Variants in SND1 observed in about 807,000 individuals in gnomAD.
SND1 encodes the protein staphylococcal nuclease and tudor domain containing 1, also known as staphylococcal nuclease domain-containing protein 1.
A neutral mutation model predicts 121.7 loss-of-function variants in SND1; 38 were observed. The observed-to-expected ratio is 0.31, with a 90% CI of 0.24 to 0.41. The LOEUF is 0.41. Ranked by LOEUF, SND1 falls within the 10% of genes least tolerant of loss-of-function variation. The probability of loss-of-function intolerance (pLI) is 1.00; values close to 1 mark genes in which losing one functional copy is unlikely to be tolerated. For synonymous variants in SND1, 401 were observed against 447.4 expected (o/e 0.90, Z 1.31); for missense variants, 868 against 1,184.6 (o/e 0.73, Z 3.92).
intron 16 of SND1, 81 bp from the exon 17 acceptor site, chr7:128,074,421 C>A: frequency 7.1e-7 from 1 of 1,416,042 alleles, no homozygotes; most frequent in Non-Finnish European, 9.5e-7. Flanking sequence ...AAGGCTTCGG[C>A]GCTGCTGTCC....
Position 128,081,492 on chromosome 7 carries a change from G to C in SND1, c.2101G>C (p.Val701Leu), listed in dbSNP as rs755156325. The C allele has an allele frequency of 1.2e-6, 2 of 1,613,786 alleles. No individual in the cohort carries two copies. Among genetic ancestry groups the C allele is most frequent in the African/African-American group, 2.7e-5 (2 of 74,938 alleles). The change falls in exon 18 of 24, where the codon GTG becomes CTG. Residue 701 changes from valine (V) to leucine (L), a missense_variant. By Grantham distance (32) the Val-to-Leu change is conservative (BLOSUM62 1). This residue lies in a region of SND1 where 743 missense variants were observed against 1,071.3 expected (regional missense o/e 0.69). Coordinates refer to ENST00000354725, the MANE Select transcript of SND1 (RefSeq NM_014390.4). ...TGACCTGCACTTCTACGTGCAGGAT[G>C]TGGAGACCGGTGAGTGCTCAGGCCG... The part of the protein sequence containing the change: ...TDDLHFYVQD[V>L]ETGTQLEKLM...
intron 16 of SND1, among the ~76,000 whole-genome samples, chr7:128,035,722 A>G (rs1459704890): frequency 1.3e-5 from 2 of 152,246 alleles, no homozygotes; most frequent in East Asian, 3.8e-4. Context: ...GGATTGGGAT[A>G]AAGAAGAGTC....
chr7:128,024,907 TGTG>T (rs1276909562), intron 16 of SND1, among the ~76,000 whole-genome samples: 1 of 152,182 alleles, frequency 6.6e-6, no homozygotes, highest in East Asian at 1.9e-4. Flanking sequence ...GGGGAACCTC[TGTG>T]GTCCAGTAGG....
At chr7:127,863,361 G>A (rs1799413161) in intron 12 of SND1, among the ~76,000 whole-genome samples, 1 of 152,094 alleles carries the variant, frequency 6.6e-6, no homozygotes, top group Non-Finnish European at 1.5e-5. Context: ...TGGAAGCGAG[G>A]TGCCAGTTTA....
intron 12 of SND1, among the ~76,000 whole-genome samples, chr7:127,881,995 G>C (rs946889403): frequency 3.9e-5 from 6 of 152,152 alleles, no homozygotes; most frequent in Admixed American, 3.9e-4. Context: ...GCTCATGCCT[G>C]TAATCTCAGC....
intron 12 of SND1, among the ~76,000 whole-genome samples, chr7:127,856,776 A>G (rs749254377): frequency 6.6e-6 from 1 of 152,220 alleles, no homozygotes; most frequent in Non-Finnish European, 1.5e-5. Flanking sequence ...TACAGTTCTC[A>G]TACCATCCCT....
At chr7:127,794,548 C>T (rs1393344289) in intron 10 of SND1, among the ~76,000 whole-genome samples, 3 of 152,190 alleles carry the variant, frequency 2.0e-5, no homozygotes, top group Non-Finnish European at 2.9e-5. Flanking sequence ...ATTTCTCTAA[C>T]AAAATGATAT....
intron 10 of SND1, among the ~76,000 whole-genome samples, chr7:127,722,882 T>C (rs760699663): frequency 4.6e-5 from 7 of 152,176 alleles, no homozygotes; most frequent in Non-Finnish European, 7.3e-5. Flanking sequence ...TTTAAATGTA[T>C]GAAAGCCTAG....
intron 15 of SND1, among the ~76,000 whole-genome samples, chr7:127,962,362 A>G (rs1252971425): frequency 6.6e-6 from 1 of 152,174 alleles, no homozygotes; most frequent in Non-Finnish European, 1.5e-5. Context: ...ATATACGTAT[A>G]TATTTCTCTG....
At chr7:127,826,967 G>A (rs1316117134) in intron 11 of SND1, among the ~76,000 whole-genome samples, 1 of 152,148 alleles carries the variant, frequency 6.6e-6, no homozygotes, top group Non-Finnish European at 1.5e-5. Context: ...GAAGGCCCTT[G>A]GGCTGGCCTT....
intron 15 of SND1, among the ~76,000 whole-genome samples, chr7:127,945,576 A>G (rs750401184): frequency 2.6e-5 from 4 of 152,108 alleles, no homozygotes; most frequent in Non-Finnish European, 5.9e-5. Flanking sequence ...CAGCCCTGCA[A>G]TCACATACGG....
chr7:127,760,933 A>G (rs952119608), intron 10 of SND1, among the ~76,000 whole-genome samples: 2 of 152,232 alleles, frequency 1.3e-5, no homozygotes, highest in Admixed American at 6.5e-5. Flanking sequence ...ATTCTCAACG[A>G]AATTCTAGAT....
At chr7:127,989,970 T>C (rs963516727) in intron 15 of SND1, among the ~76,000 whole-genome samples, 13 of 152,200 alleles carry the variant, frequency 8.5e-5, no homozygotes, top group African/African-American at 2.7e-4. Flanking sequence ...GTGAGCACTT[T>C]GTACAGAATC....
chr7:127,719,500 T>C (rs1179889922), intron 9 of SND1, among the ~76,000 whole-genome samples: 2 of 152,176 alleles, frequency 1.3e-5, no homozygotes, highest in African/African-American at 4.8e-5. Context: ...CTGCCTTTGA[T>C]TACCATTAAT....
intron 21 of SND1, 116 bp from the exon 22 acceptor site, chr7:128,089,373 G>T: frequency 9.8e-7 from 1 of 1,018,448 alleles, no homozygotes. Context: ...AGGGTTCTCT[G>T]GGGAGAAAAT....
chr7:128,090,422 C>T (rs1005043073), intron 22 of SND1, among the ~76,000 whole-genome samples: 1 of 152,210 alleles, frequency 6.6e-6, no homozygotes. Context: ...ACCAAGCAGC[C>T]ACTGAGGCCC....
chr7:127,839,241 T>C (rs1798921011), intron 11 of SND1, among the ~76,000 whole-genome samples: 1 of 152,168 alleles, frequency 6.6e-6, no homozygotes. Context: ...GGAAATTCTG[T>C]CATGAGAGGG....
At chr7:128,075,733 C>T (rs558401626) in intron 17 of SND1, among the ~76,000 whole-genome samples, 11 of 152,324 alleles carry the variant, frequency 7.2e-5, no homozygotes, top group African/African-American at 2.2e-4. Flanking sequence ...ATGAAAGGGA[C>T]GGTCAGTGCC....
At chr7:128,090,945 A>G (rs540821781) in intron 22 of SND1, among the ~76,000 whole-genome samples, 3 of 152,298 alleles carry the variant, frequency 2.0e-5, no homozygotes, top group African/African-American at 7.2e-5. Flanking sequence ...CCTGCTATCT[A>G]GAAAATTCCT....
Sources: allele counts gnomAD v4.1 joint callset (sites outside exome capture counted in the v4.1 genomes callset), GRCh38; gene constraint gnomAD v4.1.1; regional missense constraint gnomAD v4.1.1; transcripts MANE v1.5; gene names NCBI Gene and HGNC (gene_info 2026-07-23, HGNC 2026-07-21).